Variants in IQCM observed in about 807,000 individuals in gnomAD.
IQCM encodes the protein IQ domain-containing protein M.
Under a neutral mutation model 57.6 loss-of-function variants are expected in IQCM, and 45 were observed. That is an observed-to-expected ratio of 0.78 (90% CI 0.62 to 1.00). The LOEUF is 1.00. Among genes scored for constraint, IQCM ranks in the 50% least tolerant of loss-of-function variants. The pLI is 0.00. For missense variants in IQCM, 468 were observed against 511.6 expected (o/e 0.91, Z 0.82); for synonymous variants, 148 against 158.9 (o/e 0.93, Z 0.51).
At chr4:149,700,409 C>A (rs1373344083) in intron 5 of IQCM, among the ~76,000 whole-genome samples, 1 of 151,796 alleles carries the variant, frequency 6.6e-6, no homozygotes, top group South Asian at 2.1e-4. Flanking sequence ...GGTCACCCCC[C>A]CACACATACA....
At chr4:149,471,155 C>A (rs916998980) in intron 12 of IQCM, among the ~76,000 whole-genome samples, 3 of 152,084 alleles carry the variant, frequency 2.0e-5, no homozygotes, top group Non-Finnish European at 4.4e-5. Flanking sequence ...CCAAAAAACC[C>A]TTCAAAAAAT....
intron 10 of IQCM, among the ~76,000 whole-genome samples, chr4:149,561,030 A>T (rs964866309): frequency 1.3e-5 from 2 of 152,194 alleles, no homozygotes; most frequent in Non-Finnish European, 2.9e-5. Context: ...GACAGTAGGC[A>T]AAACAACTTT....
At chr4:149,359,367 T>G (rs144620637) in intron 13 of IQCM, among the ~76,000 whole-genome samples, 333 of 152,280 alleles carry the variant, frequency 2.2e-3, no homozygotes, top group African/African-American at 7.8e-3. Context: ...ATATTAATGA[T>G]GAGTTTGGTT....
At chr4:149,718,051 A>G (rs920713980) in intron 5 of IQCM, among the ~76,000 whole-genome samples, 1 of 152,188 alleles carries the variant, frequency 6.6e-6, no homozygotes, top group Non-Finnish European at 1.5e-5. Flanking sequence ...CTAGACAGAG[A>G]GGTTCATGGC....
At chr4:149,449,805 G>A (rs944883802) in intron 12 of IQCM, among the ~76,000 whole-genome samples, 13 of 151,650 alleles carry the variant, frequency 8.6e-5, no homozygotes, top group African/African-American at 2.9e-4. Context: ...AGATTTCAAT[G>A]CAATCCCTAT....
intron 13 of IQCM, among the ~76,000 whole-genome samples, chr4:149,406,655 T>C (rs1345825467): frequency 6.6e-6 from 1 of 152,182 alleles, no homozygotes; most frequent in Non-Finnish European, 1.5e-5. Flanking sequence ...ACCAGTGTCA[T>C]GATCATCACA....
rs543549538 is a variant in IQCM, at chr4:149,369,581, A to G, written c.1391-17515T>C. On this transcript the variant is annotated intron_variant, in intron 13 of 13. Coordinates refer to ENST00000636793, the MANE Select transcript of IQCM (RefSeq NM_001363507.2). ...ACTATGATGATCTACCAGAAAATTC[A>G]CAAGCAAGTGCTTAATTATTCACTT... Among the ~76,000 whole-genome samples, 38 of 152,318 alleles carry G rather than the reference A, an allele frequency of 2.5e-4. No individual in the cohort carries two copies. The South Asian group carries it at 7.9e-3, about 32-fold the overall frequency.
intron 12 of IQCM, among the ~76,000 whole-genome samples, chr4:149,495,851 G>T (rs748678767): frequency 6.6e-5 from 10 of 152,096 alleles, no homozygotes; most frequent in Non-Finnish European, 1.5e-4. Context: ...AAAAACAATT[G>T]ACACCAAAAA....
intron 8 of IQCM, among the ~76,000 whole-genome samples, chr4:149,593,147 T>C (rs1048302400): frequency 6.6e-6 from 1 of 152,126 alleles, no homozygotes; most frequent in Non-Finnish European, 1.5e-5. Flanking sequence ...CAGTGGTTTG[T>C]AGTTCTCCTT....
chr4:149,551,952 T>C (rs760310915), intron 11 of IQCM, among the ~76,000 whole-genome samples: 6 of 152,132 alleles, frequency 3.9e-5, no homozygotes, highest in Non-Finnish European at 8.8e-5. Context: ...ACTTTGCTGC[T>C]TTCTGCTCTT....
rs1304599964 is a variant in IQCM, at chr4:149,365,068, T to C, written c.1391-13002A>G. 2.0e-5 allele frequency among the ~76,000 whole-genome samples: 3 copies of C among 152,136 alleles called. No individual in the cohort carries two copies. The East Asian group carries it at 5.8e-4, about 29-fold the overall frequency. On this transcript the variant is annotated intron_variant, in intron 13 of 13. Transcript: ENST00000636793. ...ACCCTCTGAGAGGGCCTGGAAATAGTGACACTTCAGTAGCAATGAGCACAT... is the reference window on the plus strand; with the variant it reads ...ACCCTCTGAGAGGGCCTGGAAATAGCGACACTTCAGTAGCAATGAGCACAT...
At chr4:149,755,199 G>A (rs1768845908) in intron 2 of IQCM, among the ~76,000 whole-genome samples, 1 of 152,022 alleles carries the variant, frequency 6.6e-6, no homozygotes, top group Admixed American at 6.6e-5. Context: ...TCTACTTCCT[G>A]CCCCTATCCA....
chr4:149,580,621 T>A (rs1752091757), intron 9 of IQCM, among the ~76,000 whole-genome samples: 1 of 151,836 alleles, frequency 6.6e-6, no homozygotes. Flanking sequence ...GGTAGGGAAC[T>A]ATAGGCTGAT....
In IQCM at chr4:149,629,034, A is replaced by T. The variant is rs565473411; in HGVS notation, c.566-7790T>A. On this transcript the variant is annotated intron_variant, in intron 7 of 13. Coordinates refer to ENST00000636793, the MANE Select transcript of IQCM (RefSeq NM_001363507.2). ...TTGCTCAGAAAACACTTAACTAAAG[A>T]CTGAGGCATGAATCAATAAAAGAAT... Among the ~76,000 whole-genome samples, 331 of 152,316 alleles carry T rather than the reference A, an allele frequency of 2.2e-3. 2 individuals are homozygous for T. The highest frequency in any genetic ancestry group is 5.4e-3 in the African/African-American group (225 of 41,586).
At chr4:149,621,287 G>A in intron 7 of IQCM, 43 bp from the exon 8 acceptor site, 1 of 909,948 alleles carries the variant, frequency 1.1e-6, no homozygotes, top group Non-Finnish European at 1.4e-6. Context: ...ATCTATCCAG[G>A]AAAAGTACAC....
intron 12 of IQCM, among the ~76,000 whole-genome samples, chr4:149,542,572 AG>A (rs1747958703): frequency 6.6e-6 from 1 of 152,082 alleles, no homozygotes; most frequent in Admixed American, 6.6e-5. Context: ...TGTATAAACG[AG>A]CATATCCCCT....
Position 149,655,545 on chromosome 4 carries a change from T to C in IQCM, c.565+26573A>G, listed in dbSNP as rs557393959. Among the ~76,000 whole-genome samples, 4 of 152,236 alleles carry C rather than the reference T, an allele frequency of 2.6e-5. No individual in the cohort carries two copies. In the East Asian group the frequency reaches 5.8e-4, roughly 22 times the overall value. ...ATGAAATATCTATTAATGTGAACAG[T>C]GGGGAATCATACAAAATGGTATATT... On this transcript the variant is annotated intron_variant, in intron 7 of 13. Coordinates refer to ENST00000636793, the MANE Select transcript of IQCM (RefSeq NM_001363507.2).
At chr4:149,582,351 T>G (rs1187411748) in intron 9 of IQCM, among the ~76,000 whole-genome samples, 10 of 40,292 alleles carry the variant, frequency 2.5e-4, no homozygotes, top group African/African-American at 7.0e-4. Context: ...TATATATATA[T>G]ATATATATAT....
chr4:149,723,032 A>G (rs1172184187), intron 5 of IQCM, among the ~76,000 whole-genome samples: 1 of 151,914 alleles, frequency 6.6e-6, no homozygotes, highest in African/African-American at 2.4e-5. Context: ...ATTGCTAGGT[A>G]TCTTTTCTTG....
Sources: gnomAD v4.1 joint callset for allele counts (sites outside exome capture counted in the v4.1 genomes callset) on GRCh38, gnomAD v4.1.1 for gene constraint, MANE v1.5 for transcripts, NCBI Gene and HGNC (gene_info 2026-07-23, HGNC 2026-07-21) for gene names.